The following CDH4 variants were observed in gnomAD, a reference collection of about 807,000 sequenced individuals.
The protein encoded by CDH4 is cadherin-4.
Under a neutral mutation model 86.0 loss-of-function variants are expected in CDH4, and 33 were observed. That is an observed-to-expected ratio of 0.38 (90% CI 0.29 to 0.51). The LOEUF (loss-of-function observed/expected upper bound fraction) is 0.51. Among genes scored for constraint, CDH4 ranks in the 20% least tolerant of loss-of-function variants. CDH4 has a pLI of 0.86. For synonymous variants in CDH4, 555 were observed against 549.4 expected (o/e 1.01, Z -0.14); for missense variants, 1,114 against 1,307.4 (o/e 0.85, Z 2.28).
chr20:61,916,289 G>A (rs1200914492), intron 9 of CDH4, among the ~76,000 whole-genome samples: 1 of 152,162 alleles, frequency 6.6e-6, no homozygotes, highest in Non-Finnish European at 1.5e-5. Context: ...GAGGGCATCT[G>A]TTCTTAGATT....
chr20:61,617,599 G>T (rs2086735615), intron 2 of CDH4, among the ~76,000 whole-genome samples: 1 of 152,246 alleles, frequency 6.6e-6, no homozygotes, highest in Non-Finnish European at 1.5e-5. Flanking sequence ...GAAATCTGGG[G>T]GCGACAGCGT....
At chr20:61,310,530 A>G (rs2084439818) in intron 2 of CDH4, among the ~76,000 whole-genome samples, 2 of 152,116 alleles carry the variant, frequency 1.3e-5, no homozygotes, top group East Asian at 1.9e-4. Flanking sequence ...GTGAGGATCT[A>G]ATGCTGCTGA....
intron 2 of CDH4, among the ~76,000 whole-genome samples, chr20:61,404,714 G>C (rs546348078): frequency 1.3e-5 from 2 of 151,420 alleles, no homozygotes; most frequent in Non-Finnish European, 2.9e-5. Context: ...AGAATATTTA[G>C]GCTTTTTTTT....
At chr20:61,790,740 C>T (rs1979138263) in intron 4 of CDH4, among the ~76,000 whole-genome samples, 1 of 151,426 alleles carries the variant, frequency 6.6e-6, no homozygotes, top group East Asian at 1.9e-4. Context: ...ATCCTTTCAT[C>T]TCTCCATCCA....
chr20:61,811,946 A>G lies in CDH4; in HGVS notation c.577-32722A>G, dbSNP rs922899113. Among the ~76,000 whole-genome samples the G allele has an allele frequency of 2.6e-4, 40 of 152,246 alleles. No individual in the cohort carries two copies. The highest frequency in any genetic ancestry group is 6.8e-3 in the Middle Eastern group (2 of 294). On this transcript the variant is annotated intron_variant, in intron 4 of 15. Transcript: ENST00000614565. This position sits in a 1 kb window ranked among gnomAD's most constrained non-coding sequence, Gnocchi z 4.4. ...CTCGGCCTCCCAAAGTGCTAGGATT[A>G]TAGGCATGAGCCACTGCACCTAGCC...
At chr20:61,725,242 G>A (rs757059351) in intron 2 of CDH4, among the ~76,000 whole-genome samples, 12 of 152,154 alleles carry the variant, frequency 7.9e-5, no homozygotes, top group Non-Finnish European at 1.6e-4. Flanking sequence ...CTGTGGCACC[G>A]TCCACCTGCA....
chr20:61,444,303 GTATGTATTTT>G (rs2085331660), intron 2 of CDH4, among the ~76,000 whole-genome samples: 10 of 42,368 alleles, frequency 2.4e-4, no homozygotes, highest in East Asian at 8.2e-4. Context: ...GTTTCTTTGT[GTATGTATTTT>G]TGTGTATCTG....
intron 2 of CDH4, among the ~76,000 whole-genome samples, chr20:61,339,339 A>G (rs1032793007): frequency 3.9e-5 from 6 of 151,998 alleles, no homozygotes; most frequent in African/African-American, 1.4e-4. Context: ...TGATGATGGT[A>G]TAATGGTGAT....
chr20:61,730,743 C>T (rs1568782749), intron 2 of CDH4, among the ~76,000 whole-genome samples: 1 of 152,310 alleles, frequency 6.6e-6, no homozygotes, highest in Non-Finnish European at 1.5e-5. Flanking sequence ...TGGAGACACT[C>T]GACTGCATCC....
rs1042177078 is a variant in CDH4 at position 61,703,452 on chromosome 20, G to A, written c.170-40111G>A. ...GGGACAGTGTGGCTGGGATATGGGCGGCCTTGCATTTGCAGAGTATTTAAC... is the reference window on the plus strand; with the variant it reads ...GGGACAGTGTGGCTGGGATATGGGCAGCCTTGCATTTGCAGAGTATTTAAC... On this transcript the variant is annotated intron_variant, in intron 2 of 15. Transcript: ENST00000614565. The surrounding 1 kb of genome is among the most constrained non-coding windows in gnomAD (Gnocchi z 4.3). Among the ~76,000 whole-genome samples the A allele has an allele frequency of 3.9e-5, 6 of 152,194 alleles. 1 individual carries two copies. Among genetic ancestry groups the A allele is most frequent in the Admixed American group, 2.0e-4 (3 of 15,266 alleles).
intron 2 of CDH4, among the ~76,000 whole-genome samples, chr20:61,540,522 G>A (rs1394921823): frequency 1.3e-5 from 2 of 152,022 alleles, no homozygotes; most frequent in African/African-American, 4.8e-5. Flanking sequence ...CTGGTCTTGG[G>A]GTTTAGGAGC....
rs1490109304 is a variant in CDH4, at chr20:61,518,995, T to TCATCCTTC, written c.170-224563_170-224562insTTCCATCC. Among the ~76,000 whole-genome samples the TCATCCTTC allele has an allele frequency of 2.0e-5, 3 of 152,156 alleles. No individual in the cohort carries two copies. The highest frequency in any genetic ancestry group is 7.2e-5 in the African/African-American group (3 of 41,434). Reference sequence around the variant, plus strand: ...ATCCATCCATCCTTCATCCATCCATTCATCCATGCATTCCCAGGATGCACA... The same window carrying TCATCCTTC: ...ATCCATCCATCCTTCATCCATCCATTCATCCTTCCATCCATGCATTCCCAGGATGCACA... On this transcript the variant is annotated intron_variant, in intron 2 of 15. Coordinates refer to ENST00000614565, the MANE Select transcript of CDH4 (RefSeq NM_001794.5). The surrounding 1 kb of genome is among the most constrained non-coding windows in gnomAD (Gnocchi z 6.3).
rs547906434 is a variant in CDH4 at position 61,338,512 on chromosome 20, G to A, written c.169+83575G>A. ...GAATGAGGCCCCGTCTGGACTTGGG[G>A]ACTTGTCTCTTGCTGCTTCTCCTGC... On this transcript the variant is annotated intron_variant, in intron 2 of 15. Transcript: ENST00000614565. Among the ~76,000 whole-genome samples the A allele has an allele frequency of 2.0e-5, 3 of 152,264 alleles. No individual in the cohort carries two copies. In the East Asian group the frequency reaches 5.8e-4, roughly 29 times the overall value.
chr20:61,280,250 A>G (rs1165369359), intron 2 of CDH4, among the ~76,000 whole-genome samples: 1 of 152,128 alleles, frequency 6.6e-6, no homozygotes, highest in African/African-American at 2.4e-5. Context: ...GGGGAGTTGC[A>G]TGGGAATGAT....
chr20:61,931,694 A>AGAT (rs1324910721), intron 13 of CDH4, among the ~76,000 whole-genome samples: 1 of 152,180 alleles, frequency 6.6e-6, no homozygotes, highest in African/African-American at 2.4e-5. Context: ...GGAGCTTTGC[A>AGAT]GATGGGTGCG....
chr20:61,822,378 G>A (rs924225736), intron 4 of CDH4, among the ~76,000 whole-genome samples: 1 of 152,242 alleles, frequency 6.6e-6, no homozygotes, highest in Admixed American at 6.5e-5. Flanking sequence ...CTATTGCTGT[G>A]TTTAGATTAT....
intron 2 of CDH4, among the ~76,000 whole-genome samples, chr20:61,294,394 C>T (rs1252737407): frequency 5.3e-5 from 8 of 152,216 alleles, no homozygotes; most frequent in Non-Finnish European, 7.4e-5. Context: ...GGGAGGGCAG[C>T]AGTCAAAGTG....
intron 2 of CDH4, among the ~76,000 whole-genome samples, chr20:61,460,405 T>C (rs571407048): frequency 2.0e-5 from 3 of 152,330 alleles, no homozygotes; most frequent in Admixed American, 2.0e-4. Flanking sequence ...CCCAGAAACC[T>C]TGATGCCTGG....
intron 2 of CDH4, among the ~76,000 whole-genome samples, chr20:61,559,274 T>A (rs948991408): frequency 1.2e-4 from 18 of 152,058 alleles, no homozygotes; most frequent in Admixed American, 2.6e-4. Context: ...GCCAAGATTG[T>A]GCCACTGCAC....
Sources: gnomAD v4.1 joint callset for allele counts (sites outside exome capture counted in the v4.1 genomes callset) on GRCh38, gnomAD v4.1.1 for gene constraint, Gnocchi (gnomAD v3.1) non-coding constraint, MANE v1.5 for transcripts, NCBI Gene and HGNC (gene_info 2026-07-23, HGNC 2026-07-21) for gene names.